The following TMEM132B variants were observed in gnomAD, a reference collection of about 807,000 sequenced individuals.
The protein encoded by TMEM132B is transmembrane protein 132B.
In TMEM132B, 18 loss-of-function variants were observed where a neutral mutation model predicts 90.8. The ratio of observed to expected loss-of-function variants is 0.20; its 90% CI spans 0.14 to 0.29. The LOEUF is 0.29. TMEM132B is among the 10% of genes least tolerant of loss of function. The pLI, the probability that TMEM132B is intolerant of heterozygous loss-of-function variation, is 1.00. For missense variants in TMEM132B, 1,096 were observed against 1,326.8 expected (o/e 0.83, Z 2.70); for synonymous variants, 504 against 523.3 (o/e 0.96, Z 0.50).
chr12:125,605,221 T>A (rs79365454), intron 5 of TMEM132B, among the ~76,000 whole-genome samples: 3,658 of 152,308 alleles, frequency 0.024, 66 homozygotes, highest in Middle Eastern at 0.044. Context: ...TTCCCTTTCT[T>A]CCTGATAATT....
chr12:125,486,803 T>G (rs111467087), intron 3 of TMEM132B, among the ~76,000 whole-genome samples: 143 of 152,318 alleles, frequency 9.4e-4, no homozygotes, highest in African/African-American at 3.2e-3. Flanking sequence ...CTTAATATCT[T>G]CATTGGATTT....
At chr12:125,202,448 C>T (rs1039771181) in intron 1 of TMEM132B, among the ~76,000 whole-genome samples, 1 of 152,226 alleles carries the variant, frequency 6.6e-6, no homozygotes, top group African/African-American at 2.4e-5. Flanking sequence ...TGGGTCTCAT[C>T]TGAAAGCTGG....
intron 4 of TMEM132B, among the ~76,000 whole-genome samples, chr12:125,536,178 A>G (rs2136710509): frequency 6.6e-6 from 1 of 152,322 alleles, no homozygotes; most frequent in East Asian, 1.9e-4. Context: ...GTGTGGCTGA[A>G]TCCGCACATA....
At chr12:125,413,320 T>C (rs917532680) in intron 2 of TMEM132B, among the ~76,000 whole-genome samples, 12 of 152,098 alleles carry the variant, frequency 7.9e-5, no homozygotes, top group Non-Finnish European at 1.3e-4. Context: ...GGTTTTTTTT[T>C]CCCCCATCTT....
At chr12:125,505,041 A>G (rs1453649602) in intron 3 of TMEM132B, among the ~76,000 whole-genome samples, 1 of 152,016 alleles carries the variant, frequency 6.6e-6, no homozygotes, top group Non-Finnish European at 1.5e-5. Flanking sequence ...TAACAACATG[A>G]TTCTTCAGAC....
chr12:125,374,494 C>T (rs750849748), intron 2 of TMEM132B, among the ~76,000 whole-genome samples: 7 of 151,850 alleles, frequency 4.6e-5, no homozygotes, highest in Non-Finnish European at 8.8e-5. Context: ...AGTAATTAGA[C>T]AGTCCCTTGA....
At chr12:125,429,288 C>T (rs929708745) in intron 3 of TMEM132B, among the ~76,000 whole-genome samples, 2 of 151,962 alleles carry the variant, frequency 1.3e-5, no homozygotes, top group Non-Finnish European at 2.9e-5. Context: ...CAACCTCTGC[C>T]TCCTAGGCTC....
At chr12:125,392,185 A>T (rs569973646) in intron 2 of TMEM132B, among the ~76,000 whole-genome samples, 1 of 152,350 alleles carries the variant, frequency 6.6e-6, no homozygotes. Flanking sequence ...AAATATACCT[A>T]CTACGTGCTT....
intron 1 of TMEM132B, among the ~76,000 whole-genome samples, chr12:125,332,600 T>C (rs1354965077): frequency 7.5e-6 from 1 of 133,016 alleles, no homozygotes; most frequent in Admixed American, 7.4e-5. Context: ...TTTTTTTTTT[T>C]TTTTTTTTTT....
At chr12:125,391,081 A>G (rs1879001240) in intron 2 of TMEM132B, among the ~76,000 whole-genome samples, 1 of 150,470 alleles carries the variant, frequency 6.6e-6, no homozygotes, top group South Asian at 2.1e-4. Context: ...GTGTCTCACT[A>G]TCAATAATTG....
At chr12:125,297,556 T>C (rs1875702611) in intron 1 of TMEM132B, among the ~76,000 whole-genome samples, 1 of 152,222 alleles carries the variant, frequency 6.6e-6, no homozygotes, top group Non-Finnish European at 1.5e-5. Context: ...GCACCTACGA[T>C]GTGTCAGGCA....
At chr12:125,616,482 C>A (rs992166179) in intron 5 of TMEM132B, among the ~76,000 whole-genome samples, 1 of 151,870 alleles carries the variant, frequency 6.6e-6, no homozygotes, top group African/African-American at 2.4e-5. Flanking sequence ...TTCTTTCAGG[C>A]CTTTAAAGTT....
At chr12:125,232,094 C>T (rs998391081) in intron 1 of TMEM132B, among the ~76,000 whole-genome samples, 3 of 152,136 alleles carry the variant, frequency 2.0e-5, no homozygotes, top group African/African-American at 7.2e-5. Context: ...TATAGATCTA[C>T]CTTACCCTTT....
At chr12:125,203,215 A>G (rs1297980035) in intron 1 of TMEM132B, among the ~76,000 whole-genome samples, 1 of 152,238 alleles carries the variant, frequency 6.6e-6, no homozygotes, top group Admixed American at 6.5e-5. Context: ...AATTACTGGT[A>G]CAAGAGGCCC....
chr12:125,205,786 C>T (rs146413941), intron 1 of TMEM132B, among the ~76,000 whole-genome samples: 7 of 152,334 alleles, frequency 4.6e-5, no homozygotes, highest in East Asian at 1.9e-4. Flanking sequence ...AAACCACGTC[C>T]GTCGCATTTT....
At chr12:125,468,755 CTTTAA>C (rs1305226850) in intron 3 of TMEM132B, among the ~76,000 whole-genome samples, 1 of 152,114 alleles carries the variant, frequency 6.6e-6, no homozygotes, top group African/African-American at 2.4e-5. Context: ...ATTTAGCCTT[CTTTAA>C]TTTATTTATT....
intron 3 of TMEM132B, among the ~76,000 whole-genome samples, chr12:125,457,982 T>C (rs1041786928): frequency 2.0e-5 from 3 of 151,998 alleles, no homozygotes; most frequent in African/African-American, 7.3e-5. Flanking sequence ...GGGGTAAGGA[T>C]TAAACAGAGC....
intron 1 of TMEM132B, among the ~76,000 whole-genome samples, chr12:125,249,438 C>T (rs1011231748): frequency 2.6e-4 from 40 of 152,042 alleles, no homozygotes; most frequent in Non-Finnish European, 5.0e-4. Flanking sequence ...ACCACATTGC[C>T]GAGGAATTAT....
intron 2 of TMEM132B, among the ~76,000 whole-genome samples, chr12:125,394,461 G>C (rs1278177804): frequency 6.6e-6 from 1 of 152,212 alleles, no homozygotes; most frequent in East Asian, 1.9e-4. Flanking sequence ...GACATGGAGA[G>C]ACACTCGGGA....
Sources: allele counts gnomAD v4.1 joint callset (sites outside exome capture counted in the v4.1 genomes callset), GRCh38; gene constraint gnomAD v4.1.1; transcripts MANE v1.5; gene names NCBI Gene and HGNC (gene_info 2026-07-23, HGNC 2026-07-21).